The following MELK variants were observed in gnomAD, a reference collection of about 807,000 sequenced individuals.
MELK encodes the protein maternal embryonic leucine zipper kinase.
A neutral mutation model predicts 85.0 loss-of-function variants in MELK; 81 were observed. The observed-to-expected ratio is 0.95, with a 90% confidence interval of 0.80 to 1.15. The LOEUF (loss-of-function observed/expected upper bound fraction) is 1.15, where lower values mean the gene tolerates loss of function less well. Among genes scored for constraint, MELK ranks in the 50% most tolerant of loss-of-function variants. The pLI is 0.00. For synonymous variants in MELK, 252 were observed against 265.0 expected (o/e 0.95, Z 0.48); for missense variants, 754 against 777.5 (o/e 0.97, Z 0.36).
chr9:36,584,394 G>T (rs1353081142), intron 3 of MELK, among the ~76,000 whole-genome samples: 2 of 130,722 alleles, frequency 1.5e-5, no homozygotes, highest in African/African-American at 5.7e-5. Flanking sequence ...CTTGGCTCAC[G>T]GCGACCTCCG....
At chr9:36,666,556 C>T (rs1832351118) in intron 14 of MELK, among the ~76,000 whole-genome samples, 1 of 152,056 alleles carries the variant, frequency 6.6e-6, no homozygotes, top group African/African-American at 2.4e-5. Context: ...TAGCCTTTTT[C>T]CCCCCACCAA....
At chr9:36,654,349 C>CT (rs34436735) in intron 12 of MELK, among the ~76,000 whole-genome samples, 55,616 of 83,826 alleles carry the variant, frequency 0.66, 20,040 homozygotes, top group East Asian at 0.79. Flanking sequence ...ATTGGATTGT[C>CT]TTTTTTTTTT....
At chr9:36,658,122 T>C (rs560761335) in intron 13 of MELK, among the ~76,000 whole-genome samples, 2 of 152,258 alleles carry the variant, frequency 1.3e-5, no homozygotes, top group East Asian at 3.9e-4. Flanking sequence ...TTCCTTTTGA[T>C]AATCTTTTTA....
intron 11 of MELK, among the ~76,000 whole-genome samples, chr9:36,645,571 A>G (rs1830149300): frequency 6.6e-6 from 1 of 152,136 alleles, no homozygotes; most frequent in South Asian, 2.1e-4. Flanking sequence ...ATCCCTGTTC[A>G]TACTTCGTTG....
At chr9:36,645,088 T>C (rs1337656225) in intron 11 of MELK, among the ~76,000 whole-genome samples, 4 of 151,256 alleles carry the variant, frequency 2.6e-5, no homozygotes, top group South Asian at 2.1e-4. Flanking sequence ...TGAAACCGCG[T>C]TTCTACTAAA....
At chr9:36,606,298 A>G (rs1825475938) in intron 7 of MELK, among the ~76,000 whole-genome samples, 1 of 147,792 alleles carries the variant, frequency 6.8e-6, no homozygotes, top group Non-Finnish European at 1.5e-5. Context: ...AGGTGTGTAT[A>G]TAATATATAC....
At chr9:36,652,299 G>A (rs1190568699) in intron 12 of MELK, among the ~76,000 whole-genome samples, 3 of 150,502 alleles carry the variant, frequency 2.0e-5, no homozygotes, top group African/African-American at 4.9e-5. Context: ...AGCCTGCCTC[G>A]GCCTCCCAAA....
chr9:36,639,644 G>A (rs1436411450), intron 10 of MELK, among the ~76,000 whole-genome samples: 1 of 152,158 alleles, frequency 6.6e-6, no homozygotes, highest in Non-Finnish European at 1.5e-5. Context: ...TTTAAGTATT[G>A]ATCCTCTTTG....
chr9:36,647,751 A>G (rs1830357679), intron 11 of MELK, among the ~76,000 whole-genome samples: 1 of 152,086 alleles, frequency 6.6e-6, no homozygotes, highest in Non-Finnish European at 1.5e-5. Context: ...AGCCTCCCAA[A>G]GTGCTAGGAT....
chr9:36,633,225 ATT>A, intron 10 of MELK, 25 bp downstream of exon 10: 1 of 1,536,250 alleles, frequency 6.5e-7, no homozygotes, highest in Admixed American at 2.0e-5. Flanking sequence ...ATCCAGTAGA[ATT>A]TTTTTTTGAC....
At chr9:36,582,659 C>G (rs1822377302) in intron 2 of MELK, among the ~76,000 whole-genome samples, 1 of 152,168 alleles carries the variant, frequency 6.6e-6, no homozygotes, top group South Asian at 2.1e-4. Context: ...CGGATCAAGA[C>G]ATAGACCGTT....
chr9:36,626,977 AAAAAG>A (rs1827992201), intron 8 of MELK, among the ~76,000 whole-genome samples: 2 of 151,340 alleles, frequency 1.3e-5, no homozygotes, highest in Admixed American at 1.3e-4. Flanking sequence ...AAAAAAAAAA[AAAAAG>A]AAAAGAAGTA....
Position 36,669,342 on chromosome 9 carries a change from A to G in MELK, c.1441A>G (p.Lys481Glu), listed in dbSNP as rs1292832950. 3 of 1,610,346 alleles carry G rather than the reference A, an allele frequency of 1.9e-6. No individual in the cohort carries two copies. Among genetic ancestry groups the G allele is most frequent in the African/African-American group, 1.3e-5 (1 of 74,692 alleles). ...CCAGTGCCTGAAAGAAACTCCAATT[A>G]AAATACCAGTAAATTCAACAGGAAC... ...RNQCLKETPI[K>E]IPVNSTGTDK... is the part of the protein sequence containing the mutation. The change falls in exon 15 of 18, where the codon AAA becomes GAA. Residue 481 changes from lysine (K) to glutamate (E), a missense_variant. Coordinates refer to ENST00000298048, the MANE Select transcript of MELK (RefSeq NM_014791.4).
chr9:36,637,952 A>G (rs1030830356), intron 10 of MELK, among the ~76,000 whole-genome samples: 1 of 152,224 alleles, frequency 6.6e-6, no homozygotes, highest in Non-Finnish European at 1.5e-5. Flanking sequence ...CAAGATCCTA[A>G]GAAAAGCAGA....
intron 3 of MELK, among the ~76,000 whole-genome samples, chr9:36,588,223 A>C (rs1470758825): frequency 6.8e-6 from 1 of 146,060 alleles, no homozygotes; most frequent in Non-Finnish European, 1.5e-5. Context: ...TGCCCGGCTA[A>C]TTTTGTATTT....
intron 14 of MELK, among the ~76,000 whole-genome samples, chr9:36,665,982 C>T (rs1308940599): frequency 2.0e-5 from 3 of 152,182 alleles, no homozygotes; most frequent in African/African-American, 4.8e-5. Context: ...ATGACTCAAG[C>T]TGACGCCTCC....
At chr9:36,607,767 A>C in intron 8 of MELK, 94 bp downstream of exon 8, 2 of 910,062 alleles carry the variant, frequency 2.2e-6, no homozygotes, top group Non-Finnish European at 3.5e-6. Context: ...CAGGCATAAA[A>C]GTTATTCTCT....
At chr9:36,639,143 T>C (rs1309022616) in intron 10 of MELK, among the ~76,000 whole-genome samples, 1 of 152,216 alleles carries the variant, frequency 6.6e-6, no homozygotes, top group Admixed American at 6.6e-5. Flanking sequence ...TGAGTCTTCA[T>C]TTTATCACCT....
In MELK at chr9:36,594,662, T is replaced by C. The variant is rs1823992656; in HGVS notation, c.296T>C (p.Ile99Thr). 1.2e-6 allele frequency: 2 copies of C among 1,614,122 alleles called. No individual in the cohort carries two copies. Among genetic ancestry groups the C allele is most frequent in the Non-Finnish European group, 1.7e-6 (2 of 1,179,996 alleles). ...GGAGGAGAGCTGTTTGACTATATAA[T>C]TTCCCAGGATCGCCTGTCAGAAGAG... Reference protein sequence around the residue: ...CPGGELFDYIISQDRLSEEET... With the variant: ...CPGGELFDYITSQDRLSEEET... Residue 99 changes from isoleucine to threonine, a missense_variant, in exon 5 of 18, where the codon ATT (isoleucine) becomes ACT (threonine). Physicochemically the swap from Ile to Thr is moderately conservative, Grantham distance 89 (BLOSUM62 -1). Coordinates refer to ENST00000298048, the MANE Select transcript of MELK (RefSeq NM_014791.4).
Sources: allele counts gnomAD v4.1 joint callset (sites outside exome capture counted in the v4.1 genomes callset), GRCh38; gene constraint gnomAD v4.1.1; transcripts MANE v1.5; gene names NCBI Gene and HGNC (gene_info 2026-07-23, HGNC 2026-07-21).